Variants in MEP1B observed in about 807,000 individuals in gnomAD.
The protein encoded by MEP1B is meprin A subunit beta, also known as N-benzoyl-L-tyrosyl-P-amino-benzoic acid hydrolase subunit beta.
A neutral mutation model predicts 84.6 loss-of-function variants in MEP1B; 80 were observed. The ratio of observed to expected loss-of-function variants is 0.95; its 90% CI spans 0.79 to 1.14. MEP1B has a LOEUF of 1.14. Among genes scored for constraint, MEP1B ranks in the 50% most tolerant of loss-of-function variants. The pLI is 0.00. For synonymous variants in MEP1B, 273 were observed against 288.1 expected (o/e 0.95, Z 0.53); for missense variants, 766 against 855.1 (o/e 0.90, Z 1.30).
At position 32,213,432 on chromosome 18, in the gene MEP1B, T is replaced by G; in HGVS notation, c.1452T>G (p.Asn484Lys). ...GIYFHLISGANDDQLQWPCPW... is the reference protein window; with the variant it reads ...GIYFHLISGAKDDQLQWPCPW... Reference sequence around the variant, plus strand: ...ATTTCCACTTGATCTCTGGAGCCAATGATGATCAATTACAGTGGCCATGTC... The same window carrying G: ...ATTTCCACTTGATCTCTGGAGCCAAGGATGATCAATTACAGTGGCCATGTC... The change falls in exon 11 of 15, where the codon AAT becomes AAG. Residue 484 changes from asparagine (N) to lysine (K), a missense_variant. Transcript: ENST00000269202. The G allele has an allele frequency of 6.2e-7, 1 of 1,613,912 alleles. No homozygotes were observed. Among genetic ancestry groups the G allele is most frequent in the South Asian group, 1.1e-5 (1 of 91,082 alleles).
chr18:32,214,550 G>A (rs542240434), intron 11 of MEP1B, among the ~76,000 whole-genome samples: 1 of 152,272 alleles, frequency 6.6e-6, no homozygotes, highest in South Asian at 2.1e-4. Flanking sequence ...GCTCAGGGCT[G>A]GGTAGGTCAT....
chr18:32,190,530 T>C (rs527979261), intron 1 of MEP1B, among the ~76,000 whole-genome samples: 8 of 152,290 alleles, frequency 5.3e-5, no homozygotes, highest in East Asian at 3.9e-4. Context: ...ATTTCTCTTA[T>C]GCTTCTTCAT....
chr18:32,195,370 T>C (rs1268991329), intron 4 of MEP1B, 37 bp from the exon 5 acceptor site: 6 of 1,348,178 alleles, frequency 4.5e-6, no homozygotes, highest in Admixed American at 3.5e-5. Flanking sequence ...GTTTGCCTTA[T>C]TTGTTTAACT....
chr18:32,205,040 G>T (rs1168341701), intron 7 of MEP1B, among the ~76,000 whole-genome samples: 1 of 152,100 alleles, frequency 6.6e-6, no homozygotes, highest in African/African-American at 2.4e-5. Flanking sequence ...ACATATTCAA[G>T]GCATAACACC....
intron 11 of MEP1B, among the ~76,000 whole-genome samples, chr18:32,214,866 A>G (rs2041066007): frequency 6.6e-6 from 1 of 152,234 alleles, no homozygotes; most frequent in Non-Finnish European, 1.5e-5. Context: ...CTCTTATTCT[A>G]GAGTGTGGTC....
chr18:32,206,334 C>T (rs1258639814), intron 7 of MEP1B, among the ~76,000 whole-genome samples: 3 of 152,108 alleles, frequency 2.0e-5, no homozygotes, highest in African/African-American at 7.2e-5. Context: ...TTCATCTCAC[C>T]ATCCCTTCAA....
chr18:32,201,153 T>C (rs1372476565), intron 5 of MEP1B, among the ~76,000 whole-genome samples: 1 of 152,200 alleles, frequency 6.6e-6, no homozygotes, highest in Non-Finnish European at 1.5e-5. Context: ...CCTAAACTAG[T>C]ATGCTCTTTT....
chr18:32,212,265 T>G (rs1394780538), intron 10 of MEP1B, among the ~76,000 whole-genome samples: 1 of 152,130 alleles, frequency 6.6e-6, no homozygotes, highest in Non-Finnish European at 1.5e-5. Flanking sequence ...GAAGCTTGCT[T>G]ATTTTCTGTC....
At chr18:32,216,219 C>T (rs2041088369) in intron 12 of MEP1B, among the ~76,000 whole-genome samples, 1 of 151,924 alleles carries the variant, frequency 6.6e-6, no homozygotes. Flanking sequence ...CAATTAAAAC[C>T]CACAAAATTT....
rs1173305272 is a variant in MEP1B at position 32,190,089 on chromosome 18, T to C, written c.19T>C (p.Ser7Pro). 1.2e-6 allele frequency: 2 copies of C among 1,613,580 alleles called. No individual in the cohort carries two copies. The highest frequency in any genetic ancestry group is 1.7e-6 in the Non-Finnish European group (2 of 1,179,642). MDLWNL[S>P]WFLFLDALLV... ...CTACAACATGGATTTATGGAATCTG[T>C]CTTGGTTTCTGTTCTTGGATGCTCT... The change falls in exon 1 of 15, where the codon TCT becomes CCT. Residue 7 changes from serine to proline, a missense_variant. By Grantham distance (74) the Ser-to-Pro change is moderately conservative. Transcript: ENST00000269202.
At chr18:32,194,360 A>G (rs2040831983) in intron 4 of MEP1B, among the ~76,000 whole-genome samples, 1 of 152,074 alleles carries the variant, frequency 6.6e-6, no homozygotes, top group Non-Finnish European at 1.5e-5. Context: ...GTCATTTTTC[A>G]AACAGGCAGT....
At chr18:32,215,045 G>A in intron 11 of MEP1B, 37 bp from the exon 12 acceptor site, 1 of 1,459,468 alleles carries the variant, frequency 6.9e-7, no homozygotes, top group Non-Finnish European at 9.4e-7. Context: ...CTACGATGAT[G>A]ATAAACACAC....
At chr18:32,200,290 A>G (rs1362852040) in intron 5 of MEP1B, among the ~76,000 whole-genome samples, 1 of 152,170 alleles carries the variant, frequency 6.6e-6, no homozygotes, top group Non-Finnish European at 1.5e-5. Flanking sequence ...AGTTATAACT[A>G]TGATGTCTTA....
At chr18:32,193,963 T>C (rs1423309930) in intron 4 of MEP1B, among the ~76,000 whole-genome samples, 1 of 152,186 alleles carries the variant, frequency 6.6e-6, no homozygotes, top group Non-Finnish European at 1.5e-5. Flanking sequence ...CCAGCTCCAC[T>C]TGAATGTCTA....
At chr18:32,195,615 C>A in intron 5 of MEP1B, 130 bp downstream of exon 5, 10 of 543,022 alleles carry the variant, frequency 1.8e-5, no homozygotes, top group Non-Finnish European at 2.5e-5. Flanking sequence ...TGGCTATGTA[C>A]ATTTACTTTG....
At chr18:32,211,977 T>G (rs1055699083) in intron 10 of MEP1B, among the ~76,000 whole-genome samples, 1 of 150,720 alleles carries the variant, frequency 6.6e-6, no homozygotes, top group Non-Finnish European at 1.5e-5. Context: ...ACTAAGCATA[T>G]ACACACATTA....
chr18:32,208,914 T>G (rs1419761978), intron 9 of MEP1B, among the ~76,000 whole-genome samples: 1 of 152,152 alleles, frequency 6.6e-6, no homozygotes, highest in Non-Finnish European at 1.5e-5. Context: ...GGCAAAAAGG[T>G]GCTTTTCCTT....
At position 32,204,236 on chromosome 18, in the gene MEP1B, G is replaced by A; in HGVS notation, c.423G>A (p.Gly141=). The change falls in exon 7 of 15, where the codon GGG becomes GGA. Residue 141 remains glycine, a synonymous_variant. Transcript: ENST00000269202. ...TTGGGAAGCAAGAACTTTCCATCGGGGCAAACTGTGACCGAATAGCAACAG... is the reference window on the plus strand; with the variant it reads ...TTGGGAAGCAAGAACTTTCCATCGGAGCAAACTGTGACCGAATAGCAACAG... ...RRVGKQELSI[G]ANCDRIATVQ... 1 of 1,605,886 alleles carries A rather than the reference G, an allele frequency of 6.2e-7. No homozygotes were observed. Among genetic ancestry groups the A allele is most frequent in the Non-Finnish European group, 8.5e-7 (1 of 1,176,524 alleles).
chr18:32,210,066 T>C (rs7231916), intron 9 of MEP1B, among the ~76,000 whole-genome samples: 19,272 of 152,196 alleles, frequency 0.13, 1,995 homozygotes, highest in African/African-American at 0.29. Flanking sequence ...GGTAGCTCTT[T>C]CCACTTGGAG....
Sources: gnomAD v4.1 joint callset for allele counts (sites outside exome capture counted in the v4.1 genomes callset) on GRCh38, gnomAD v4.1.1 for gene constraint, MANE v1.5 for transcripts, NCBI Gene and HGNC (gene_info 2026-07-23, HGNC 2026-07-21) for gene names.